Variants in GRID2 observed in about 807,000 individuals in gnomAD.
The protein encoded by GRID2 is glutamate receptor ionotropic, delta-2.
A neutral mutation model predicts 114.8 loss-of-function variants in GRID2; 33 were observed. That is an observed-to-expected ratio of 0.29 (90% CI 0.22 to 0.38). The LOEUF (loss-of-function observed/expected upper bound fraction) is 0.38, where lower values mean the gene tolerates loss of function less well. GRID2 is among the 10% of genes least tolerant of loss of function. The pLI, the probability that GRID2 is intolerant of heterozygous loss-of-function variation, is 1.00. For missense variants in GRID2, 1,184 were observed against 1,257.7 expected, an observed-to-expected ratio of 0.94 and a Z score of 0.89; for synonymous variants, 505 against 449.9, an observed-to-expected ratio of 1.12 and a Z score of -1.55.
intron 2 of GRID2, among the ~76,000 whole-genome samples, chr4:93,079,164 A>T (rs1021589451): frequency 5.3e-5 from 8 of 151,756 alleles, no homozygotes; most frequent in Non-Finnish European, 8.8e-5. Flanking sequence ...ATATTTCATC[A>T]TTATCATTTT....
chr4:93,133,491 G>C (rs1047412329), intron 4 of GRID2, among the ~76,000 whole-genome samples: 6 of 152,018 alleles, frequency 3.9e-5, no homozygotes, highest in Admixed American at 3.3e-4. Context: ...CTGTAATTTG[G>C]TACATAATAA....
intron 2 of GRID2, among the ~76,000 whole-genome samples, chr4:92,791,707 G>A (rs577496779): frequency 6.6e-6 from 1 of 151,938 alleles, no homozygotes; most frequent in South Asian, 2.1e-4. Flanking sequence ...AACCATCACT[G>A]AATTGTGTGA....
intron 4 of GRID2, among the ~76,000 whole-genome samples, chr4:93,149,693 G>A (rs1208234959): frequency 6.6e-6 from 1 of 151,860 alleles, no homozygotes; most frequent in Non-Finnish European, 1.5e-5. Context: ...GAGTATGGTG[G>A]CACAATCATA....
At chr4:92,702,773 C>T (rs1054497184) in intron 2 of GRID2, 4 of 151,686 alleles carry the variant, frequency 2.6e-5, no homozygotes, top group Non-Finnish European at 5.9e-5. Flanking sequence ...CACCATAATA[C>T]CTTTTTGGGT....
chr4:92,570,025 C>T (rs1014834298), intron 1 of GRID2, among the ~76,000 whole-genome samples: 1 of 152,004 alleles, frequency 6.6e-6, no homozygotes, highest in African/African-American at 2.4e-5. Context: ...TTCATGAAAT[C>T]TTTGCCTATG....
chr4:93,053,152 A>G (rs760194000), intron 2 of GRID2, among the ~76,000 whole-genome samples: 2 of 151,896 alleles, frequency 1.3e-5, no homozygotes, highest in Non-Finnish European at 2.9e-5. Context: ...GTCAATATCA[A>G]TGGTTCTTAA....
chr4:93,351,103 T>G (rs1346989282), intron 8 of GRID2, among the ~76,000 whole-genome samples: 2 of 152,110 alleles, frequency 1.3e-5, no homozygotes, highest in African/African-American at 4.8e-5. Flanking sequence ...ATGTTCCACC[T>G]GTCCCTGCCC....
intron 3 of GRID2, among the ~76,000 whole-genome samples, chr4:93,094,617 A>G (rs1168377652): frequency 6.6e-6 from 1 of 152,038 alleles, no homozygotes; most frequent in East Asian, 1.9e-4. Flanking sequence ...AAGGCTGGAT[A>G]TTGAATTAGT....
intron 2 of GRID2, among the ~76,000 whole-genome samples, chr4:93,063,380 TA>T (rs903909011): frequency 2.0e-5 from 3 of 151,870 alleles, no homozygotes; most frequent in Admixed American, 2.0e-4. Flanking sequence ...ATACATACTT[TA>T]TAACAATCAA....
At chr4:93,058,075 T>C (rs1727431105) in intron 2 of GRID2, among the ~76,000 whole-genome samples, 1 of 118,228 alleles carries the variant, frequency 8.5e-6, no homozygotes, top group South Asian at 2.6e-4. Context: ...GATGTTAGTG[T>C]GCTTCAGTGA....
intron 13 of GRID2, among the ~76,000 whole-genome samples, chr4:93,574,090 C>T (rs528930260): frequency 1.9e-4 from 29 of 152,230 alleles, no homozygotes; most frequent in African/African-American, 6.5e-4. Context: ...TCCATTTCAA[C>T]ATATGTTCAG....
intron 2 of GRID2, among the ~76,000 whole-genome samples, chr4:92,708,624 G>T (rs912390688): frequency 6.6e-6 from 1 of 152,098 alleles, no homozygotes; most frequent in Non-Finnish European, 1.5e-5. Context: ...ATTGGTATTG[G>T]TTCTTCATTT....
At chr4:93,593,038 G>C (rs1437129757) in intron 13 of GRID2, among the ~76,000 whole-genome samples, 3 of 151,660 alleles carry the variant, frequency 2.0e-5, no homozygotes, top group Non-Finnish European at 2.9e-5. Context: ...CTTTTAATTG[G>C]AGAATTTAGT....
At chr4:93,670,215 T>G (rs1357237066) in intron 14 of GRID2, among the ~76,000 whole-genome samples, 1 of 152,162 alleles carries the variant, frequency 6.6e-6, no homozygotes, top group Non-Finnish European at 1.5e-5. Context: ...TTTTTACATC[T>G]TTTCATTCAT....
chr4:92,904,965 G>A (rs1747842238), intron 2 of GRID2, among the ~76,000 whole-genome samples: 1 of 151,940 alleles, frequency 6.6e-6, no homozygotes, highest in Non-Finnish European at 1.5e-5. Flanking sequence ...TTTTAAAATT[G>A]TTAGCTGAAC....
intron 2 of GRID2, among the ~76,000 whole-genome samples, chr4:92,694,485 C>A (rs116392813): frequency 0.014 from 2,187 of 152,198 alleles, 29 homozygotes; most frequent in Non-Finnish European, 0.018. Context: ...TGGTGGGCTG[C>A]CTCTCCAGTC....
intron 2 of GRID2, among the ~76,000 whole-genome samples, chr4:92,742,237 G>T (rs2149332415): frequency 6.6e-6 from 1 of 152,230 alleles, no homozygotes; most frequent in Admixed American, 6.5e-5. Flanking sequence ...AAACTCTCCT[G>T]TTAGTAAATT....
chr4:92,552,451 G>T (rs1054389515), intron 1 of GRID2, among the ~76,000 whole-genome samples: 14 of 152,158 alleles, frequency 9.2e-5, no homozygotes, highest in African/African-American at 3.1e-4. Context: ...AACGGTTGGA[G>T]AGGAGGTAGA....
intron 2 of GRID2, chr4:92,885,101 GTTAAAA>G: frequency 3.2e-6 from 1 of 317,216 alleles, no homozygotes; most frequent in Non-Finnish European, 6.1e-6. Flanking sequence ...TAAAAAAACT[GTTAAAA>G]TTTAAGTAAG....
Sources: allele counts gnomAD v4.1 joint callset (sites outside exome capture counted in the v4.1 genomes callset), GRCh38; gene constraint gnomAD v4.1.1; transcripts MANE v1.5; gene names NCBI Gene and HGNC (gene_info 2026-07-23, HGNC 2026-07-21).